RCBTB2: variants seen among roughly 807,000 people sequenced by gnomAD.
RCBTB2 encodes the protein RCC1 and BTB domain containing protein 2.
A neutral mutation model predicts 65.4 loss-of-function variants in RCBTB2; 55 were observed. The observed-to-expected ratio is 0.84, with a 90% CI of 0.68 to 1.05. The LOEUF (loss-of-function observed/expected upper bound fraction) is 1.05, where lower values mean the gene tolerates loss of function less well. RCBTB2 is among the 50% of genes least tolerant of loss of function. The probability of loss-of-function intolerance (pLI) is 0.00; values close to 1 mark genes in which losing one functional copy is unlikely to be tolerated. For missense variants in RCBTB2, 599 were observed against 680.1 expected (o/e 0.88, Z 1.33); for synonymous variants, 220 against 255.2 (o/e 0.86, Z 1.31).
chr13:48,529,391 A>C lies in RCBTB2; in HGVS notation c.-219+3637T>G, dbSNP rs76346016. Among the ~76,000 whole-genome samples, 937 of 152,282 alleles carry C rather than the reference A, an allele frequency of 6.2e-3. 10 individuals carry two copies. Among genetic ancestry groups the C allele is most frequent in the African/African-American group, 0.022 (895 of 41,544 alleles). On this transcript the variant is annotated intron_variant, in intron 1 of 14. Transcript: ENST00000344532. The stretch of plus-strand genomic sequence containing the variant: ...CTTGAGATTGGTTTTGTTCAGTATT[A>C]TATACATACATACACGCAGCATAAT...
chr13:48,491,300 T>C (rs1949688447), intron 14 of RCBTB2, among the ~76,000 whole-genome samples: 2 of 135,470 alleles, frequency 1.5e-5, no homozygotes. Context: ...CTACGGTACA[T>C]TTTCTTTTAA....
chr13:48,522,721 G>A (rs1053769506), intron 2 of RCBTB2, among the ~76,000 whole-genome samples: 6 of 152,096 alleles, frequency 3.9e-5, no homozygotes, highest in African/African-American at 1.4e-4. Context: ...ATTTAATAAG[G>A]CTGTATTTAA....
intron 1 of RCBTB2, among the ~76,000 whole-genome samples, chr13:48,528,281 T>C (rs1487730169): frequency 6.6e-6 from 1 of 152,122 alleles, no homozygotes; most frequent in Admixed American, 6.5e-5. Context: ...TTAGAAGTGA[T>C]TACAGAAGAA....
intron 2 of RCBTB2, among the ~76,000 whole-genome samples, chr13:48,523,021 T>C (rs1951511769): frequency 6.6e-6 from 1 of 152,176 alleles, no homozygotes; most frequent in Admixed American, 6.6e-5. Context: ...CTTAAAATTA[T>C]GAAAATTAAT....
intron 10 of RCBTB2, among the ~76,000 whole-genome samples, chr13:48,506,724 G>A (rs1049981025): frequency 9.9e-5 from 15 of 152,242 alleles, no homozygotes; most frequent in Admixed American, 9.8e-4. Flanking sequence ...TTCTCTGGGA[G>A]CAGGGGAGGT....
chr13:48,493,881 T>C (rs1199759260), intron 14 of RCBTB2, among the ~76,000 whole-genome samples: 2 of 152,160 alleles, frequency 1.3e-5, no homozygotes, highest in Non-Finnish European at 2.9e-5. Context: ...TGGATTGTTT[T>C]GTTCATTTGC....
chr13:48,521,119 T>C (rs534992881), intron 4 of RCBTB2, among the ~76,000 whole-genome samples: 1 of 152,312 alleles, frequency 6.6e-6, no homozygotes, highest in South Asian at 2.1e-4. Context: ...TCTGTTAACA[T>C]TTTTGTAGGA....
At chr13:48,505,121 A>T (rs182632368) in intron 10 of RCBTB2, among the ~76,000 whole-genome samples, 181 of 148,858 alleles carry the variant, frequency 1.2e-3, no homozygotes, top group African/African-American at 4.1e-3. Flanking sequence ...TCGCTCTACC[A>T]CTAGGCTGCG....
rs1427775591 is a variant in RCBTB2 at position 48,521,972 on chromosome 13, A to G, written c.-23-10T>C. ...CAGTCCTGGGCAGTCCCTGAGGAAAAAGTATGTGGTAAAATCAGGATCCCT... is the reference window on the plus strand; with the variant it reads ...CAGTCCTGGGCAGTCCCTGAGGAAAGAGTATGTGGTAAAATCAGGATCCCT... On this transcript the variant is annotated splice_polypyrimidine_tract_variant and intron_variant, in intron 3 of 14. Transcript: ENST00000344532. 2 of 1,611,992 alleles carry G rather than the reference A, an allele frequency of 1.2e-6. No homozygotes were observed. The highest frequency in any genetic ancestry group is 3.4e-5 in the Admixed American group (2 of 59,622).
intron 1 of RCBTB2, among the ~76,000 whole-genome samples, chr13:48,525,473 C>T (rs1012913972): frequency 1.4e-5 from 2 of 143,870 alleles, no homozygotes; most frequent in African/African-American, 5.1e-5. Flanking sequence ...CTTACTCCTC[C>T]TACATGAGAT....
At chr13:48,494,211 TATTA>T (rs1395679700) in intron 14 of RCBTB2, among the ~76,000 whole-genome samples, 1 of 152,194 alleles carries the variant, frequency 6.6e-6, no homozygotes, top group Non-Finnish European at 1.5e-5. Context: ...CCCTGGCTCA[TATTA>T]ATTATGTACT....
intron 14 of RCBTB2, among the ~76,000 whole-genome samples, chr13:48,494,416 C>T (rs1415661941): frequency 2.0e-5 from 3 of 152,126 alleles, no homozygotes; most frequent in Admixed American, 6.5e-5. Context: ...GCTGGACAGG[C>T]TGTAGTACAA....
At chr13:48,505,807 C>G (rs1950473394) in intron 10 of RCBTB2, among the ~76,000 whole-genome samples, 1 of 152,152 alleles carries the variant, frequency 6.6e-6, no homozygotes, top group Non-Finnish European at 1.5e-5. Context: ...GCAATCCTCT[C>G]ACGGTTTGTG....
chr13:48,493,311 A>ACCCTCTCT (rs773819158), intron 14 of RCBTB2, among the ~76,000 whole-genome samples: 2 of 57,338 alleles, frequency 3.5e-5, no homozygotes, highest in Admixed American at 2.1e-4. Flanking sequence ...ACACACACAC[A>ACCCTCTCT]CACACTCTCT....
chr13:48,499,142 ACTCTCTCTCTCTCTCTCTCTCT>A (rs568053175), intron 13 of RCBTB2, among the ~76,000 whole-genome samples: 4 of 132,274 alleles, frequency 3.0e-5, no homozygotes, highest in East Asian at 2.2e-4. Flanking sequence ...ACACACACAC[ACTCTCTCTCTCTCTCTCTCTCT>A]CTCTCACACA....
At chr13:48,505,775 GA>G (rs1225621628) in intron 10 of RCBTB2, among the ~76,000 whole-genome samples, 11 of 152,154 alleles carry the variant, frequency 7.2e-5, no homozygotes, top group Admixed American at 3.9e-4. Flanking sequence ...AAAAAAAGAT[GA>G]GGGGGAACAG....
At chr13:48,495,125 T>C (rs1949911186) in intron 14 of RCBTB2, among the ~76,000 whole-genome samples, 1 of 152,180 alleles carries the variant, frequency 6.6e-6, no homozygotes, top group Admixed American at 6.5e-5. Flanking sequence ...AGGATATCCT[T>C]ATACCAAAAG....
At chr13:48,507,541 C>T (rs1395848289) in intron 10 of RCBTB2, among the ~76,000 whole-genome samples, 1 of 152,144 alleles carries the variant, frequency 6.6e-6, no homozygotes, top group East Asian at 1.9e-4. Context: ...TGATCAACAA[C>T]AACTGCTGAG....
chr13:48,513,565 T>TTA (rs1950923194), intron 6 of RCBTB2, among the ~76,000 whole-genome samples: 1 of 152,234 alleles, frequency 6.6e-6, no homozygotes, highest in South Asian at 2.1e-4. Flanking sequence ...GACTTCTCAT[T>TTA]TATCTTCTGG....
Sources: gnomAD v4.1 joint callset for allele counts (sites outside exome capture counted in the v4.1 genomes callset) on GRCh38, gnomAD v4.1.1 for gene constraint, MANE v1.5 for transcripts, NCBI Gene and HGNC (gene_info 2026-07-23, HGNC 2026-07-21) for gene names.